Variants in COP1 observed in about 807,000 individuals in gnomAD.
COP1 encodes COP1 E3 ubiquitin ligase.
In COP1, 24 loss-of-function variants were observed where a neutral mutation model predicts 101.3. That is an observed-to-expected ratio of 0.24 (90% CI 0.17 to 0.33). COP1 has a LOEUF of 0.33. COP1 is among the 10% of genes least tolerant of loss of function. COP1 has a pLI of 1.00. For missense variants in COP1, 663 were observed against 906.2 expected (o/e 0.73, Z 3.45); for synonymous variants, 347 against 341.9 (o/e 1.01, Z -0.17).
intron 11 of COP1, among the ~76,000 whole-genome samples, chr1:176,057,956 G>T (rs1673929134): frequency 6.6e-6 from 1 of 151,756 alleles, no homozygotes; most frequent in Non-Finnish European, 1.5e-5. Flanking sequence ...CGCCCCTTCT[G>T]GGATATGAGG....
intron 15 of COP1, among the ~76,000 whole-genome samples, chr1:176,013,795 A>C (rs1312083152): frequency 1.3e-5 from 2 of 152,244 alleles, no homozygotes; most frequent in African/African-American, 4.8e-5. Context: ...GCTTGCAGAA[A>C]AAATTAAAAT....
intron 14 of COP1, among the ~76,000 whole-genome samples, chr1:176,030,443 A>G (rs1307613623): frequency 6.6e-6 from 1 of 152,184 alleles, no homozygotes; most frequent in African/African-American, 2.4e-5. Context: ...ACCTTTACAA[A>G]CAAGCATTAT....
intron 11 of COP1, among the ~76,000 whole-genome samples, chr1:176,072,983 C>A (rs1464822512): frequency 6.6e-6 from 1 of 152,022 alleles, no homozygotes; most frequent in Non-Finnish European, 1.5e-5. Context: ...TGAAACTTTA[C>A]AAAGTTTCAA....
intron 15 of COP1, among the ~76,000 whole-genome samples, chr1:175,992,406 G>C (rs897725190): frequency 7.9e-5 from 12 of 152,206 alleles, no homozygotes; most frequent in Admixed American, 5.9e-4. Flanking sequence ...AGGAGAGTGG[G>C]TGCAGCGCAC....
At chr1:176,119,849 A>G (rs1317610108) in intron 8 of COP1, among the ~76,000 whole-genome samples, 1 of 152,192 alleles carries the variant, frequency 6.6e-6, no homozygotes, top group African/African-American at 2.4e-5. Flanking sequence ...TCTAATGTAG[A>G]TAATACTATT....
chr1:176,106,362 A>G (rs1684303782), intron 9 of COP1, among the ~76,000 whole-genome samples: 1 of 152,182 alleles, frequency 6.6e-6, no homozygotes, highest in South Asian at 2.1e-4. Flanking sequence ...AACAAAGACC[A>G]TAACAGCCCT....
At chr1:175,960,148 C>T (rs1432338579) in intron 18 of COP1, among the ~76,000 whole-genome samples, 2 of 152,040 alleles carry the variant, frequency 1.3e-5, no homozygotes, top group Non-Finnish European at 2.9e-5. Flanking sequence ...AGGAAATGGA[C>T]CAGAATTTAT....
intron 18 of COP1, among the ~76,000 whole-genome samples, chr1:175,958,653 G>C (rs1202080068): frequency 6.8e-6 from 1 of 146,540 alleles, no homozygotes; most frequent in Non-Finnish European, 1.5e-5. Flanking sequence ...TTAAATTGAT[G>C]ACTTCCCTCA....
intron 6 of COP1, among the ~76,000 whole-genome samples, chr1:176,145,768 G>A (rs1180287877): frequency 6.6e-6 from 1 of 151,788 alleles, no homozygotes; most frequent in African/African-American, 2.4e-5. Flanking sequence ...CTTAAATAAC[G>A]CTCAAAAACA....
At chr1:175,957,487 C>G (rs991730335) in intron 18 of COP1, among the ~76,000 whole-genome samples, 4 of 152,182 alleles carry the variant, frequency 2.6e-5, no homozygotes, top group African/African-American at 7.2e-5. Context: ...TAGGCTATAC[C>G]ATCCAGGTTT....
intron 9 of COP1, among the ~76,000 whole-genome samples, chr1:176,108,238 T>C (rs560586920): frequency 2.2e-4 from 34 of 152,192 alleles, no homozygotes; most frequent in Non-Finnish European, 4.1e-4. Flanking sequence ...AGTTCATACA[T>C]TTCTGGCTTC....
chr1:176,205,075 CAT>C (rs1227561936), intron 1 of COP1, among the ~76,000 whole-genome samples: 2 of 152,210 alleles, frequency 1.3e-5, no homozygotes, highest in African/African-American at 4.8e-5. Flanking sequence ...TTATTCCTCA[CAT>C]CTTTTACTTT....
chr1:176,023,931 C>G (rs1397487384), intron 15 of COP1, among the ~76,000 whole-genome samples: 2 of 152,052 alleles, frequency 1.3e-5, no homozygotes, highest in Non-Finnish European at 2.9e-5. Context: ...AACCCAGTAG[C>G]TCTTTGCTGT....
At chr1:176,133,156 A>G (rs1186335816) in intron 8 of COP1, among the ~76,000 whole-genome samples, 1 of 139,138 alleles carries the variant, frequency 7.2e-6, no homozygotes, top group African/African-American at 2.6e-5. Flanking sequence ...ATACGTACAT[A>G]TATATACGTA....
At chr1:176,078,855 G>T (rs888452665) in intron 11 of COP1, among the ~76,000 whole-genome samples, 1 of 151,908 alleles carries the variant, frequency 6.6e-6, no homozygotes, top group African/African-American at 2.4e-5. Context: ...CTTCTCAAAA[G>T]AAGACATACA....
intron 11 of COP1, among the ~76,000 whole-genome samples, chr1:176,052,469 T>C (rs1672737648): frequency 6.6e-6 from 1 of 152,200 alleles, no homozygotes; most frequent in Non-Finnish European, 1.5e-5. Context: ...TTCCAATCGA[T>C]TTTAAAGACT....
intron 11 of COP1, among the ~76,000 whole-genome samples, chr1:176,066,499 A>G (rs1675999581): frequency 6.6e-6 from 1 of 152,130 alleles, no homozygotes; most frequent in Non-Finnish European, 1.5e-5. Context: ...TAAAAAGCGT[A>G]AAAAAGAATA....
At chr1:176,040,426 T>C (rs1045186380) in intron 14 of COP1, among the ~76,000 whole-genome samples, 8 of 152,036 alleles carry the variant, frequency 5.3e-5, no homozygotes, top group African/African-American at 1.7e-4. Context: ...CAAGAGATCC[T>C]CCTGCCCCAG....
At chr1:176,003,722 G>A (rs1346655406) in intron 15 of COP1, among the ~76,000 whole-genome samples, 1 of 151,804 alleles carries the variant, frequency 6.6e-6, no homozygotes, top group Non-Finnish European at 1.5e-5. Context: ...TTCTGTTTTG[G>A]TACCAGTACC....
Sources: allele counts gnomAD v4.1 joint callset (sites outside exome capture counted in the v4.1 genomes callset), GRCh38; gene constraint gnomAD v4.1.1; transcripts MANE v1.5; gene names NCBI Gene and HGNC (gene_info 2026-07-23, HGNC 2026-07-21).